UBE2H: variants seen among roughly 807,000 people sequenced by gnomAD.
The protein encoded by UBE2H is ubiquitin-conjugating enzyme E2 H.
UBE2H carries 3 observed loss-of-function variants against 29.0 expected under a neutral mutation model. That is an observed-to-expected ratio of 0.10 (90% CI 0.05 to 0.27). The LOEUF (loss-of-function observed/expected upper bound fraction) is 0.27, where lower values mean the gene tolerates loss of function less well. Ranked by LOEUF, UBE2H falls within the 10% of genes least tolerant of loss-of-function variation. UBE2H has a pLI of 1.00. For synonymous variants in UBE2H, 69 were observed against 82.9 expected, an observed-to-expected ratio of 0.83 and a Z score of 0.91; for missense variants, 68 against 228.2, an observed-to-expected ratio of 0.30 and a Z score of 4.52.
rs1047164274 is a variant in UBE2H, at chr7:129,921,694, C to CAAAAAAAAAAAAAAA, written c.53+30794_53+30808dup. 4.4e-5 allele frequency among the ~76,000 whole-genome samples: 3 copies of CAAAAAAAAAAAAAAA among 68,510 alleles called. 1 individual carries two copies. Among genetic ancestry groups the CAAAAAAAAAAAAAAA allele is most frequent in the African/African-American group, 1.0e-4 (2 of 19,638 alleles). The allele number at this position is 68,510 out of a possible 152,430, so 44.9% of individuals were successfully genotyped here. A position where few individuals can be genotyped will look rare whatever the true frequency, so the allele number is the denominator to read the frequency against. ...GCCTGGGCAACAAGAGACTCTGTCA[C>CAAAAAAAAAAAAAAA]AAAAAAAAAAAAAAAAAAAAAGCTG... On this transcript the variant is annotated intron_variant, in intron 1 of 6. Transcript: ENST00000355621.
At chr7:129,853,426 T>C (rs953623160) in intron 5 of UBE2H, among the ~76,000 whole-genome samples, 1 of 152,172 alleles carries the variant, frequency 6.6e-6, no homozygotes, top group Non-Finnish European at 1.5e-5. Flanking sequence ...AAAAAAAAGA[T>C]GCTATCATGC....
chr7:129,912,713 C>T (rs1806961810), intron 1 of UBE2H, among the ~76,000 whole-genome samples: 1 of 152,164 alleles, frequency 6.6e-6, no homozygotes. Flanking sequence ...GATGCACAAC[C>T]TGTTTTTGGC....
intron 3 of UBE2H, among the ~76,000 whole-genome samples, chr7:129,868,936 T>TCA (rs71175046): frequency 1.9e-4 from 1 of 5,328 alleles, no homozygotes. Flanking sequence ...TCTCTCTCTC[T>TCA]TTTTTTTTTT....
chr7:129,835,068 G>C lies in UBE2H; in HGVS notation c.428-7C>G, dbSNP rs764047658. On this transcript the variant is annotated splice_region_variant and splice_polypyrimidine_tract_variant and intron_variant, in intron 6 of 6. Transcript: ENST00000355621. ...GCGTATTTCTGGATGTACTCTGCACGGGGTGGGAGAAAGACAACAAGGGCA... is the reference window on the plus strand; with the variant it reads ...GCGTATTTCTGGATGTACTCTGCACCGGGTGGGAGAAAGACAACAAGGGCA... 4.8e-5 allele frequency: 77 copies of C among 1,613,790 alleles called. No homozygotes were observed. Among genetic ancestry groups the C allele is most frequent in the Non-Finnish European group, 5.4e-5 (64 of 1,179,990 alleles).
At chr7:129,864,552 CTTTCT>C (rs1805862686) in intron 3 of UBE2H, among the ~76,000 whole-genome samples, 1 of 75,672 alleles carries the variant, frequency 1.3e-5, no homozygotes, top group Non-Finnish European at 2.6e-5. Context: ...TTTTTCTTTT[CTTTCT>C]TTTTTTTTTT....
chr7:129,879,941 A>T (rs1462806638), intron 2 of UBE2H, among the ~76,000 whole-genome samples: 1 of 152,152 alleles, frequency 6.6e-6, no homozygotes. Context: ...CTCCTATCTC[A>T]ATAAACCCCA....
At chr7:129,894,290 CA>C (rs1255321365) in intron 1 of UBE2H, among the ~76,000 whole-genome samples, 1 of 152,130 alleles carries the variant, frequency 6.6e-6, no homozygotes, top group Non-Finnish European at 1.5e-5. Flanking sequence ...ACCATCTCTA[CA>C]AAAAATAAAA....
chr7:129,852,521 C>T (rs1805630022), intron 5 of UBE2H, among the ~76,000 whole-genome samples: 1 of 152,102 alleles, frequency 6.6e-6, no homozygotes, highest in Non-Finnish European at 1.5e-5. Context: ...TTGAAGTATT[C>T]CTTCTGTTGT....
At chr7:129,922,294 TTTTTA>T (rs1468868881) in intron 1 of UBE2H, among the ~76,000 whole-genome samples, 1 of 149,432 alleles carries the variant, frequency 6.7e-6, no homozygotes, top group African/African-American at 2.5e-5. Flanking sequence ...GGCCTTTTAA[TTTTTA>T]TTTTGAGATG....
intron 1 of UBE2H, among the ~76,000 whole-genome samples, chr7:129,919,572 C>G (rs1377247985): frequency 6.6e-6 from 1 of 152,168 alleles, no homozygotes; most frequent in Non-Finnish European, 1.5e-5. Context: ...CCCCTCAACT[C>G]CACAGCTCTC....
At chr7:129,913,109 G>A (rs371928207) in intron 1 of UBE2H, among the ~76,000 whole-genome samples, 38 of 152,052 alleles carry the variant, frequency 2.5e-4, no homozygotes, top group Middle Eastern at 3.4e-3. Flanking sequence ...AAAATTAGCT[G>A]GGCACGGTGG....
At chr7:129,913,577 C>T (rs1225343209) in intron 1 of UBE2H, among the ~76,000 whole-genome samples, 1 of 151,218 alleles carries the variant, frequency 6.6e-6, no homozygotes, top group Non-Finnish European at 1.5e-5. Context: ...ATGTTTCATT[C>T]GAGCCCCTCA....
chr7:129,925,471 C>A (rs996516368), intron 1 of UBE2H, among the ~76,000 whole-genome samples: 1 of 152,012 alleles, frequency 6.6e-6, no homozygotes, highest in Non-Finnish European at 1.5e-5. Flanking sequence ...ATAATGCTCC[C>A]AAATATGTAA....
intron 1 of UBE2H, among the ~76,000 whole-genome samples, chr7:129,915,159 T>C (rs991598297): frequency 3.3e-5 from 5 of 152,150 alleles, no homozygotes; most frequent in Non-Finnish European, 7.4e-5. Flanking sequence ...AGAAGCACAT[T>C]TCCTGCAACA....
At chr7:129,898,230 C>G (rs1216284922) in intron 1 of UBE2H, among the ~76,000 whole-genome samples, 2 of 152,060 alleles carry the variant, frequency 1.3e-5, no homozygotes, top group Non-Finnish European at 2.9e-5. Context: ...CATCATACTA[C>G]TAACAGGTGA....
chr7:129,834,817 A>C lies in UBE2H; in HGVS notation c.*120T>G, dbSNP rs1327032824. The C allele has an allele frequency of 5.3e-6, 6 of 1,129,224 alleles. No homozygotes were observed. The highest frequency in any genetic ancestry group is 7.4e-6 in the Non-Finnish European group (6 of 810,768). 70.0% of individuals were successfully genotyped at this position (1,129,224 alleles called of 1,614,324 possible). A position where few individuals can be genotyped will look rare whatever the true frequency, so the allele number is the denominator to read the frequency against. On this transcript the variant is annotated 3_prime_UTR_variant, in exon 7 of 7. Transcript: ENST00000355621. ...TATATAATATATATATATCAATGCTATTATTCATAAAAACCTTGTTTAGTA... is the reference window on the plus strand; with the variant it reads ...TATATAATATATATATATCAATGCTCTTATTCATAAAAACCTTGTTTAGTA...
intron 3 of UBE2H, among the ~76,000 whole-genome samples, chr7:129,874,858 A>G (rs76720989): frequency 6.6e-6 from 1 of 152,224 alleles, no homozygotes; most frequent in Non-Finnish European, 1.5e-5. Flanking sequence ...GCGTAAAGAC[A>G]GTATCTGAGA....
At chr7:129,897,214 T>C (rs914198607) in intron 1 of UBE2H, among the ~76,000 whole-genome samples, 2 of 152,176 alleles carry the variant, frequency 1.3e-5, no homozygotes, top group Non-Finnish European at 2.9e-5. Flanking sequence ...ATGACTTCTA[T>C]AATATAATCT....
At chr7:129,918,628 G>A (rs1287228405) in intron 1 of UBE2H, among the ~76,000 whole-genome samples, 1 of 152,132 alleles carries the variant, frequency 6.6e-6, no homozygotes, top group Non-Finnish European at 1.5e-5. Context: ...CCTGTACAAA[G>A]CTATACCTAT....
Sources: allele counts gnomAD v4.1 joint callset (sites outside exome capture counted in the v4.1 genomes callset), GRCh38; gene constraint gnomAD v4.1.1; transcripts MANE v1.5; gene names NCBI Gene and HGNC (gene_info 2026-07-23, HGNC 2026-07-21).